Variants in PHACTR2 observed in about 807,000 individuals in gnomAD.
The protein encoded by PHACTR2 is chromosome 6 open reading frame 56.
Under a neutral mutation model 76.0 loss-of-function variants are expected in PHACTR2, and 30 were observed. That is an observed-to-expected ratio of 0.39 (90% CI 0.30 to 0.54). The LOEUF is 0.54. Among genes scored for constraint, PHACTR2 ranks in the 20% least tolerant of loss-of-function variants. The probability of loss-of-function intolerance (pLI) is 0.61; values close to 1 mark genes in which losing one functional copy is unlikely to be tolerated. For missense variants in PHACTR2, 696 were observed against 781.1 expected, an observed-to-expected ratio of 0.89 and a Z score of 1.30; for synonymous variants, 292 against 292.5, an observed-to-expected ratio of 1.00 and a Z score of 0.02.
intron 11 of PHACTR2, among the ~76,000 whole-genome samples, chr6:143,792,727 A>G (rs1483086694): frequency 2.0e-5 from 3 of 152,152 alleles, no homozygotes; most frequent in South Asian, 4.1e-4. Flanking sequence ...GACTGGGCTC[A>G]ATTCTGGCTC....
In PHACTR2 at chr6:143,743,338, G is replaced by A. The variant is rs1030164634; in HGVS notation, c.215-5647G>A. ...AGGAAAGTGATGGGAAAAATGGTTC[G>A]CTGGGACGGGTTGTAAAGCTTGGCT... is the stretch of plus-strand genomic sequence containing the variant. On this transcript the variant is annotated intron_variant, in intron 2 of 12. Transcript: ENST00000440869. This position sits in a 1 kb window ranked among gnomAD's most constrained non-coding sequence, Gnocchi z 5.0. Among the ~76,000 whole-genome samples the A allele has an allele frequency of 2.6e-5, 4 of 152,178 alleles. No individual in the cohort carries two copies. The highest frequency in any genetic ancestry group is 5.9e-5 in the Non-Finnish European group (4 of 68,030).
chr6:143,621,563 G>A lies in PHACTR2; in HGVS notation c.13+13241G>A, dbSNP rs543081885. Among the ~76,000 whole-genome samples the A allele has an allele frequency of 5.4e-4, 82 of 152,238 alleles. No individual in the cohort carries two copies. Among genetic ancestry groups the A allele is most frequent in the African/African-American group, 1.8e-3 (75 of 41,536 alleles). Reference sequence around the variant, plus strand: ...TCACATTTACTGGCTTTCTCAAATTGAACATACCCCAACCCTTGAATAGTG... The same window carrying A: ...TCACATTTACTGGCTTTCTCAAATTAAACATACCCCAACCCTTGAATAGTG... On this transcript the variant is annotated intron_variant, in intron 1 of 11. Coordinates refer to the PHACTR2 transcript ENST00000305766. This position sits in a 1 kb window ranked among gnomAD's most constrained non-coding sequence, Gnocchi z 4.1.
In PHACTR2 at chr6:143,749,011, C is replaced by G; in HGVS notation, c.241C>G (p.Gln81Glu). 6.3e-7 allele frequency: 1 copy of G among 1,585,220 alleles called. No individual in the cohort carries two copies. The highest frequency in any genetic ancestry group is 1.1e-5 in the South Asian group (1 of 90,324). The change falls in exon 3 of 13, where the codon CAA becomes GAA. Residue 81 changes from glutamine (Q) to glutamate (E), a missense_variant. Gln to Glu is a conservative substitution (Grantham distance 29). This residue lies in a region of PHACTR2 where 460 missense variants were observed against 450.9 expected (regional missense o/e 1.02). Transcript: ENST00000440869. ...ATTAGAAAGGAAGATATCCACACGA[C>G]AAAGTAGAGAGGAGCTGATAAGAAG... is the stretch of plus-strand genomic sequence containing the variant. ...AVLERKISTR[Q>E]SREELIRRGV...
rs918621956 is a variant in PHACTR2, at chr6:143,543,499, G to C, written c.217+6292G>C. On this transcript the variant is annotated intron_variant, in intron 1 of 11. Transcript: ENST00000367584. The surrounding 1 kb of genome is among the most constrained non-coding windows in gnomAD (Gnocchi z 4.7). ...TTAGTGCCCTGTCCTGGGCCTGGGGGAGAACCTAGGATGGTCGGCTATAGG... is the reference window on the plus strand; with the variant it reads ...TTAGTGCCCTGTCCTGGGCCTGGGGCAGAACCTAGGATGGTCGGCTATAGG... Among the ~76,000 whole-genome samples, 1 of 152,224 alleles carries C rather than the reference G, an allele frequency of 6.6e-6. No homozygotes were observed. The highest frequency in any genetic ancestry group is 1.5e-5 in the Non-Finnish European group (1 of 68,032).
Position 143,753,001 on chromosome 6 carries a change from T to C in PHACTR2, c.296-753T>C, listed in dbSNP as rs1779219644. On this transcript the variant is annotated intron_variant, in intron 3 of 12. Coordinates refer to ENST00000440869, the MANE Select transcript of PHACTR2 (RefSeq NM_001100164.2). The surrounding 1 kb of genome is among the most constrained non-coding windows in gnomAD (Gnocchi z 4.6). ...ATTAGTAATTTATGATTTAGATCTC[T>C]CAACATTGTATCCATTATGGTTTTT... Among the ~76,000 whole-genome samples the C allele has an allele frequency of 1.3e-5, 2 of 152,072 alleles. No individual in the cohort carries two copies. The highest frequency in any genetic ancestry group is 4.1e-4 in the South Asian group (2 of 4,824).
rs1182225300 is a variant in PHACTR2 at position 143,558,308 on chromosome 6, G to A, written c.217+21101G>A. Among the ~76,000 whole-genome samples the A allele has an allele frequency of 6.6e-6, 1 of 152,080 alleles. No homozygotes were observed. The highest frequency in any genetic ancestry group is 2.4e-5 in the African/African-American group (1 of 41,404). On this transcript the variant is annotated intron_variant, in intron 1 of 11. Coordinates refer to the PHACTR2 transcript ENST00000367584. This position sits in a 1 kb window ranked among gnomAD's most constrained non-coding sequence, Gnocchi z 4.7. ...TATTGTGGTTGTGTTTTAAGAAAGAGTTTTCCCCTATTTACATGTAAAAAT... is the reference window on the plus strand; with the variant it reads ...TATTGTGGTTGTGTTTTAAGAAAGAATTTTCCCCTATTTACATGTAAAAAT...
At position 143,688,865 on chromosome 6, in the gene PHACTR2, T is replaced by C. The variant is rs1031855489; in HGVS notation, c.46+10656T>C. Among the ~76,000 whole-genome samples the C allele has an allele frequency of 5.3e-4, 80 of 152,312 alleles. No individual in the cohort carries two copies. The highest frequency in any genetic ancestry group is 1.8e-3 in the African/African-American group (75 of 41,578). On this transcript the variant is annotated intron_variant, in intron 1 of 12. Coordinates refer to ENST00000440869, the MANE Select transcript of PHACTR2 (RefSeq NM_001100164.2). The surrounding 1 kb of genome is among the most constrained non-coding windows in gnomAD (Gnocchi z 5.2). Reference sequence around the variant, plus strand: ...AAGTAATTTCTTAAAGCATAAATCATGTCACTCACTCACTCAAAACCTTCC... The same window carrying C: ...AAGTAATTTCTTAAAGCATAAATCACGTCACTCACTCACTCAAAACCTTCC...
chr6:143,579,730 T>A (rs1775551533), intron 1 of PHACTR2, among the ~76,000 whole-genome samples: 1 of 150,970 alleles, frequency 6.6e-6, no homozygotes, highest in South Asian at 2.1e-4. Flanking sequence ...GAAGAATGAG[T>A]GGGTGTGTAT....
rs1444503573 is a variant in PHACTR2, at chr6:143,627,852, C to T, written c.13+19530C>T. On this transcript the variant is annotated intron_variant, in intron 1 of 11. Coordinates refer to the PHACTR2 transcript ENST00000305766. The surrounding 1 kb of genome is among the most constrained non-coding windows in gnomAD (Gnocchi z 4.3). ...TCCTGACCTTGTGATCCGCCCACCT[C>T]GGCCTCCCAAAGTACAACCACCACT... 6.6e-6 allele frequency among the ~76,000 whole-genome samples: 1 copy of T among 151,972 alleles called. No homozygotes were observed. Among genetic ancestry groups the T allele is most frequent in the Non-Finnish European group, 1.5e-5 (1 of 67,990 alleles).
rs1335189585 is a variant in PHACTR2, at chr6:143,805,254, C to T, written c.1846-1803C>T. On this transcript the variant is annotated intron_variant, in intron 11 of 12. Coordinates refer to ENST00000440869, the MANE Select transcript of PHACTR2 (RefSeq NM_001100164.2). The stretch of plus-strand genomic sequence containing the variant: ...CAGCATTTTGGGAGGCCGAGGCGGG[C>T]GGATCACAAAGTCAGGAGTTTGAGA... Among the ~76,000 whole-genome samples the T allele has an allele frequency of 2.6e-5, 4 of 151,806 alleles. No homozygotes were observed. In the East Asian group the frequency reaches 5.8e-4, roughly 22 times the overall value.
chr6:143,686,720 C>T (rs1344446199), intron 1 of PHACTR2, among the ~76,000 whole-genome samples: 3 of 151,954 alleles, frequency 2.0e-5, no homozygotes, highest in Admixed American at 6.6e-5. Flanking sequence ...CTCCTGACCT[C>T]GTGATCCACC....
chr6:143,785,326 T>C (rs911748467), intron 10 of PHACTR2, among the ~76,000 whole-genome samples: 1 of 152,178 alleles, frequency 6.6e-6, no homozygotes, highest in Non-Finnish European at 1.5e-5. Flanking sequence ...TCCAAAATTA[T>C]CTCCTTTGAA....
rs1372512318 is a variant in PHACTR2 at position 143,751,587 on chromosome 6, G to T, written c.296-2167G>T. ...ATACACCTGTTTACTAGAAGGAGGT[G>T]ACCCCCTTCAAACACCCTCGTGTTC... is the stretch of plus-strand genomic sequence containing the variant. On this transcript the variant is annotated intron_variant, in intron 3 of 12. Transcript: ENST00000440869. This position sits in a 1 kb window ranked among gnomAD's most constrained non-coding sequence, Gnocchi z 5.7. Among the ~76,000 whole-genome samples the T allele has an allele frequency of 1.3e-5, 2 of 152,040 alleles. No individual in the cohort carries two copies. Among genetic ancestry groups the T allele is most frequent in the Non-Finnish European group, 2.9e-5 (2 of 68,018 alleles).
chr6:143,809,145 T>C lies in PHACTR2; in HGVS notation c.1922+2012T>C, dbSNP rs1430478574. Among the ~76,000 whole-genome samples the C allele has an allele frequency of 2.0e-5, 3 of 152,230 alleles. No homozygotes were observed. In the East Asian group the frequency reaches 5.8e-4, roughly 29 times the overall value. The stretch of plus-strand genomic sequence containing the variant: ...GAAGTTGGAGTATCTGATAGCCTTA[T>C]CTTCATTTGATAGCATGATATAAAG... On this transcript the variant is annotated intron_variant, in intron 12 of 12. Transcript: ENST00000440869. This position sits in a 1 kb window ranked among gnomAD's most constrained non-coding sequence, Gnocchi z 4.2.
At chr6:143,640,143 C>A (rs1776539471) in intron 1 of PHACTR2, among the ~76,000 whole-genome samples, 1 of 152,222 alleles carries the variant, frequency 6.6e-6, no homozygotes, top group African/African-American at 2.4e-5. Context: ...ACCTACTGCA[C>A]TGCCAGTTGT....
chr6:143,555,923 CTTT>C (rs11325694), intron 1 of PHACTR2, among the ~76,000 whole-genome samples: 3 of 138,906 alleles, frequency 2.2e-5, no homozygotes, highest in Non-Finnish European at 3.1e-5. Flanking sequence ...TGACATTTAG[CTTT>C]TTTTTTTTTT....
intron 6 of PHACTR2, among the ~76,000 whole-genome samples, chr6:143,768,556 C>T (rs905140102): frequency 2.6e-5 from 4 of 152,142 alleles, no homozygotes; most frequent in East Asian, 1.9e-4. Context: ...GAGCTCATAT[C>T]CAAAGGTGGC....
intron 2 of PHACTR2, among the ~76,000 whole-genome samples, chr6:143,747,421 A>G (rs1204055647): frequency 1.3e-5 from 2 of 152,314 alleles, no homozygotes; most frequent in African/African-American, 2.4e-5. Context: ...CCTGTCTCCT[A>G]TCAGTGTCCT....
In PHACTR2 at chr6:143,760,265, G is replaced by C. The variant is rs1012762915; in HGVS notation, c.455-136G>C. On this transcript the variant is annotated intron_variant, in intron 4 of 12. Transcript: ENST00000440869. The surrounding 1 kb of genome is among the most constrained non-coding windows in gnomAD (Gnocchi z 6.4). ...TTGTTTTCACCCTAAACTGTGCTCT[G>C]TCTGGTGCAGAACTCCATGCTGATT... 4.1e-6 allele frequency: 3 copies of C among 730,150 alleles called. No individual in the cohort carries two copies. The highest frequency in any genetic ancestry group is 3.5e-5 in the African/African-American group (2 of 56,404). The allele number at this position is 730,150 out of a possible 1,614,324, so 45.2% of individuals were successfully genotyped here.
Sources: gnomAD v4.1 joint callset for allele counts (sites outside exome capture counted in the v4.1 genomes callset) on GRCh38, gnomAD v4.1.1 for gene constraint, gnomAD v4.1.1 regional missense constraint, Gnocchi (gnomAD v3.1) non-coding constraint, MANE v1.5 for transcripts, NCBI Gene and HGNC (gene_info 2026-07-23, HGNC 2026-07-21) for gene names.